The following WDR49 variants were observed in gnomAD, a reference collection of about 807,000 sequenced individuals.
WDR49 encodes cilia- and flagella-associated protein 337.
A neutral mutation model predicts 119.5 loss-of-function variants in WDR49; 107 were observed. That is an observed-to-expected ratio of 0.90 (90% CI 0.77 to 1.05). The LOEUF (loss-of-function observed/expected upper bound fraction) is 1.05. WDR49 is among the 50% of genes least tolerant of loss of function. The pLI is 0.00. For missense variants in WDR49, 1,240 were observed against 1,220.5 expected, an observed-to-expected ratio of 1.02 and a Z score of -0.24; for synonymous variants, 425 against 418.8, an observed-to-expected ratio of 1.01 and a Z score of -0.18.
At chr3:167,554,311 G>A (rs1242075750) in intron 10 of WDR49, among the ~76,000 whole-genome samples, 1 of 152,052 alleles carries the variant, frequency 6.6e-6, no homozygotes, top group African/African-American at 2.4e-5. Flanking sequence ...AAGAAGTAAT[G>A]AGTTTCCTTT....
chr3:167,613,332 G>A (rs945789025), intron 5 of WDR49, among the ~76,000 whole-genome samples: 14 of 152,172 alleles, frequency 9.2e-5, no homozygotes. Flanking sequence ...GTAGGCACAT[G>A]TCCATGATAC....
chr3:167,599,733 T>C (rs1468633973), intron 7 of WDR49, among the ~76,000 whole-genome samples: 1 of 152,174 alleles, frequency 6.6e-6, no homozygotes, highest in Non-Finnish European at 1.5e-5. Context: ...CATGGTGTAC[T>C]ATCTGGCTAT....
intron 10 of WDR49, among the ~76,000 whole-genome samples, chr3:167,551,055 T>G (rs1712530631): frequency 6.6e-6 from 1 of 151,978 alleles, no homozygotes; most frequent in African/African-American, 2.4e-5. Flanking sequence ...GAAACACATT[T>G]CTATACTTCT....
chr3:167,589,894 G>T (rs1381655975), intron 7 of WDR49, among the ~76,000 whole-genome samples: 2 of 151,922 alleles, frequency 1.3e-5, no homozygotes, highest in East Asian at 3.8e-4. Flanking sequence ...TTCCAATTTG[G>T]ATGCCCTTTT....
intron 7 of WDR49, among the ~76,000 whole-genome samples, chr3:167,578,484 A>T (rs2108286071): frequency 6.6e-6 from 1 of 152,212 alleles, no homozygotes; most frequent in Admixed American, 6.5e-5. Flanking sequence ...TTTTTATACA[A>T]CTATATCTAG....
intron 5 of WDR49, among the ~76,000 whole-genome samples, chr3:167,607,814 G>C (rs1190259463): frequency 6.6e-6 from 1 of 151,866 alleles, no homozygotes. Context: ...CTTTTCTATT[G>C]CCTCTGATCC....
At chr3:167,548,883 C>T (rs1382529221) in intron 10 of WDR49, among the ~76,000 whole-genome samples, 1 of 152,068 alleles carries the variant, frequency 6.6e-6, no homozygotes, top group Non-Finnish European at 1.5e-5. Flanking sequence ...TGATGTTCCC[C>T]ACCCTGTGTC....
At chr3:167,617,325 G>A (rs1716645277) in intron 5 of WDR49, among the ~76,000 whole-genome samples, 1 of 152,144 alleles carries the variant, frequency 6.6e-6, no homozygotes, top group African/African-American at 2.4e-5. Context: ...TCAGGAGTTT[G>A]AGACCAGTCT....
At chr3:167,622,820 T>C (rs1472676702) in intron 3 of WDR49, among the ~76,000 whole-genome samples, 2 of 152,106 alleles carry the variant, frequency 1.3e-5, no homozygotes, top group Non-Finnish European at 2.9e-5. Flanking sequence ...TATTAGGTGA[T>C]AAAGCAAATC....
intron 7 of WDR49, among the ~76,000 whole-genome samples, chr3:167,592,884 T>C (rs895961257): frequency 1.3e-5 from 2 of 152,208 alleles, no homozygotes; most frequent in African/African-American, 4.8e-5. Flanking sequence ...AGGATATTTT[T>C]GCAAGATATA....
intron 8 of WDR49, among the ~76,000 whole-genome samples, chr3:167,562,635 G>A (rs1713335377): frequency 6.6e-6 from 1 of 152,164 alleles, no homozygotes; most frequent in Non-Finnish European, 1.5e-5. Flanking sequence ...AGCATTCCAT[G>A]TCATTAACTG....
At chr3:167,536,789 C>T in intron 11 of WDR49, 81 bp downstream of exon 11, 2 of 1,199,424 alleles carry the variant, frequency 1.7e-6, no homozygotes, top group South Asian at 2.8e-5. Context: ...TGAGAAAAAG[C>T]TTTTCTAAAG....
At position 167,505,494 on chromosome 3, in the gene WDR49, T is replaced by C. The variant is rs898228699; in HGVS notation, c.2775-78A>G. The C allele has an allele frequency of 1.4e-5, 19 of 1,387,302 alleles. No individual in the cohort carries two copies. In the African/African-American group the frequency reaches 2.6e-4, roughly 19 times the overall value. 85.9% of individuals were successfully genotyped at this position (1,387,302 alleles called of 1,614,324 possible). A position where few individuals can be genotyped will look rare whatever the true frequency, so the allele number is the denominator to read the frequency against. On this transcript the variant is annotated intron_variant, in intron 16 of 18. Coordinates refer to ENST00000682715, the MANE Select transcript of WDR49 (RefSeq NM_001366157.1). ...AACTCTTTCTGGCTATGTGTATCTT[T>C]GACCAAAAAAAACAAAAACAAAAAC...
At chr3:167,643,898 A>G (rs984511710) in intron 2 of WDR49, among the ~76,000 whole-genome samples, 1 of 152,064 alleles carries the variant, frequency 6.6e-6, no homozygotes, top group Admixed American at 6.6e-5. Flanking sequence ...ATAGAATAAT[A>G]ATGTATAAAA....
At chr3:167,558,057 C>G (rs918635434) in intron 9 of WDR49, among the ~76,000 whole-genome samples, 1 of 151,976 alleles carries the variant, frequency 6.6e-6, no homozygotes, top group African/African-American at 2.4e-5. Context: ...AGTTTGAAAC[C>G]AACCCAGGAA....
intron 5 of WDR49, among the ~76,000 whole-genome samples, chr3:167,613,951 A>C (rs1162907675): frequency 2.0e-5 from 3 of 152,052 alleles, no homozygotes; most frequent in African/African-American, 4.8e-5. Context: ...AAAAAAAAAA[A>C]AAAGCAATTA....
intron 16 of WDR49, among the ~76,000 whole-genome samples, chr3:167,507,368 C>T (rs1424422797): frequency 6.6e-6 from 1 of 151,952 alleles, no homozygotes; most frequent in Non-Finnish European, 1.5e-5. Flanking sequence ...TTTAGGCTTT[C>T]AAGACAAGAA....
At chr3:167,560,787 A>G (rs1656434739) in intron 8 of WDR49, among the ~76,000 whole-genome samples, 1 of 149,392 alleles carries the variant, frequency 6.7e-6, no homozygotes, top group Non-Finnish European at 1.5e-5. Context: ...AGATTACTAA[A>G]AAAAAAAAAA....
At chr3:167,504,281 G>C (rs1261112988) in intron 17 of WDR49, among the ~76,000 whole-genome samples, 1 of 152,178 alleles carries the variant, frequency 6.6e-6, no homozygotes, top group Non-Finnish European at 1.5e-5. Context: ...ACAACCACAA[G>C]GGCTGTACCC....
Sources: allele counts gnomAD v4.1 joint callset (sites outside exome capture counted in the v4.1 genomes callset), GRCh38; gene constraint gnomAD v4.1.1; transcripts MANE v1.5; gene names NCBI Gene and HGNC (gene_info 2026-07-23, HGNC 2026-07-21).